Variants in OTOA observed in about 807,000 individuals in gnomAD.
OTOA encodes the protein otoancorin.
Under a neutral mutation model 110.8 loss-of-function variants are expected in OTOA, and 70 were observed. The ratio of observed to expected loss-of-function variants is 0.63; its 90% CI spans 0.52 to 0.77. The LOEUF (loss-of-function observed/expected upper bound fraction) is 0.77. OTOA is among the 30% of genes least tolerant of loss of function. The pLI is 0.00. For missense variants in OTOA, 917 were observed against 1,075.8 expected (o/e 0.85, Z 2.06); for synonymous variants, 373 against 431.5 (o/e 0.86, Z 1.68).
intron 6 of OTOA, chr16:21,684,381 A>G (rs1966959473): frequency 2.1e-6 from 3 of 1,431,768 alleles, no homozygotes; most frequent in African/African-American, 2.8e-5. Flanking sequence ...GGAGAGGCTG[A>G]TGGCTTCTGC....
chr16:21,721,462 C>T, intron 17 of OTOA: 1 of 456,100 alleles, frequency 2.2e-6, no homozygotes, highest in South Asian at 1.5e-5. Context: ...GCTCAACATC[C>T]TACAATGCGT....
chr16:21,710,804 AC>A (rs2141689764), intron 13 of OTOA, among the ~76,000 whole-genome samples: 1 of 152,250 alleles, frequency 6.6e-6, no homozygotes, highest in Admixed American at 6.5e-5. Context: ...GGAGTTTGGG[AC>A]CAGCCTGATC....
At chr16:21,695,449 A>G (rs1897913806) in intron 9 of OTOA, among the ~76,000 whole-genome samples, 1 of 152,126 alleles carries the variant, frequency 6.6e-6, no homozygotes, top group Non-Finnish European at 1.5e-5. Context: ...AAGTTAAAAA[A>G]TAAACAACTA....
chr16:21,733,811 C>G (rs1225328441), intron 21 of OTOA, among the ~76,000 whole-genome samples: 1 of 151,812 alleles, frequency 6.6e-6, no homozygotes, highest in Non-Finnish European at 1.5e-5. Flanking sequence ...TTTTCTTTCT[C>G]TTTTTTGAGA....
intron 5 of OTOA, among the ~76,000 whole-genome samples, chr16:21,680,552 A>G (rs1286167052): frequency 6.6e-6 from 1 of 151,258 alleles, no homozygotes; most frequent in Non-Finnish European, 1.5e-5. Context: ...CAAACGTAAG[A>G]TTACAAAAGG....
At chr16:21,685,390 G>T (rs1385831315) in intron 7 of OTOA, 29 bp downstream of exon 7, 2 of 1,606,612 alleles carry the variant, frequency 1.2e-6, no homozygotes, top group Admixed American at 1.7e-5. Flanking sequence ...CCCGGGGATA[G>T]AGGAAGTCCA....
chr16:21,704,499 C>T (rs1167008434), intron 11 of OTOA, among the ~76,000 whole-genome samples: 1 of 152,182 alleles, frequency 6.6e-6, no homozygotes, highest in Non-Finnish European at 1.5e-5. Flanking sequence ...ATGAGAGCAC[C>T]TGCCTTGTAG....
At chr16:21,706,357 G>A (rs573568679) in intron 12 of OTOA, among the ~76,000 whole-genome samples, 2 of 152,302 alleles carry the variant, frequency 1.3e-5, no homozygotes, top group South Asian at 2.1e-4. Context: ...CACCTGGAGC[G>A]GCAGGAGATA....
At chr16:21,668,920 C>A (rs1487703634) in intron 1 of OTOA, among the ~76,000 whole-genome samples, 1 of 152,052 alleles carries the variant, frequency 6.6e-6, no homozygotes, top group African/African-American at 2.4e-5. Context: ...GTCTTGATTT[C>A]TCTGGCTGCA....
At chr16:21,743,883 TTTTA>T (rs1436911753) in intron 23 of OTOA, among the ~76,000 whole-genome samples, 1 of 120,894 alleles carries the variant, frequency 8.3e-6, no homozygotes, top group Non-Finnish European at 1.8e-5. Context: ...TCTTTTTAAT[TTTTA>T]TTTATTTTTT....
chr16:21,695,887 A>ATTTTTTTTTTTTT (rs1205590889), intron 9 of OTOA, among the ~76,000 whole-genome samples: 2 of 61,636 alleles, frequency 3.2e-5, no homozygotes, highest in African/African-American at 8.3e-5. Flanking sequence ...ATATATATAT[A>ATTTTTTTTTTTTT]TATATTTTTT....
rs1898142745 is a variant in OTOA, at chr16:21,705,394, A to T, written c.1104+102A>T. 2.5e-6 allele frequency: 4 copies of T among 1,570,206 alleles called. No homozygotes were observed. The South Asian group carries it at 3.4e-5, about 13-fold the overall frequency. Reference sequence around the variant, plus strand: ...TAGCCTTTGGGAGAAAACACACAGCATTAGTCGGGATTTAAGTCCAGTCAC... The same window carrying T: ...TAGCCTTTGGGAGAAAACACACAGCTTTAGTCGGGATTTAAGTCCAGTCAC... On this transcript the variant is annotated intron_variant, in intron 12 of 28. Coordinates refer to ENST00000646100, the MANE Select transcript of OTOA (RefSeq NM_144672.4).
intron 21 of OTOA, among the ~76,000 whole-genome samples, chr16:21,733,344 A>C (rs1261840949): frequency 8.7e-5 from 13 of 149,686 alleles, no homozygotes; most frequent in Non-Finnish European, 1.3e-4. Context: ...TCAGCTGCAC[A>C]TTAGAATCAC....
intron 13 of OTOA, among the ~76,000 whole-genome samples, chr16:21,713,494 T>G (rs1898421865): frequency 1.3e-5 from 2 of 152,296 alleles, no homozygotes; most frequent in South Asian, 4.1e-4. Context: ...AAACATTTAC[T>G]GAACACTTAC....
intron 18 of OTOA, among the ~76,000 whole-genome samples, chr16:21,726,148 A>G (rs577597192): frequency 2.0e-5 from 3 of 151,902 alleles, no homozygotes; most frequent in South Asian, 2.1e-4. Context: ...ATCAATCAAC[A>G]TGTCTATTTA....
At chr16:21,759,830 ACAGAG>A (rs1900111334) in intron 28 of OTOA, among the ~76,000 whole-genome samples, 1 of 151,892 alleles carries the variant, frequency 6.6e-6, no homozygotes, top group Non-Finnish European at 1.5e-5. Context: ...AACCTGGGAG[ACAGAG>A]GCTACAGTGA....
At chr16:21,685,719 T>A (rs753154185) in intron 7 of OTOA, among the ~76,000 whole-genome samples, 2 of 152,090 alleles carry the variant, frequency 1.3e-5, no homozygotes, top group Non-Finnish European at 2.9e-5. Flanking sequence ...TGCACCACCA[T>A]GCCTGGCTAA....
chr16:21,714,850 C>A, intron 13 of OTOA, 135 bp from the exon 14 acceptor site: 2 of 1,127,600 alleles, frequency 1.8e-6, no homozygotes, highest in South Asian at 1.3e-5. Flanking sequence ...CCTGTGGAGG[C>A]AGCATCTGTC....
At chr16:21,681,579 A>T (rs538126577) in intron 5 of OTOA, among the ~76,000 whole-genome samples, 159 bp from the exon 6 acceptor site, 3 of 152,154 alleles carry the variant, frequency 2.0e-5, no homozygotes, top group African/African-American at 4.8e-5. Context: ...AGAGAAAAGA[A>T]AAAAGGAAAG....
Sources: gnomAD v4.1 joint callset for allele counts (sites outside exome capture counted in the v4.1 genomes callset) on GRCh38, gnomAD v4.1.1 for gene constraint, MANE v1.5 for transcripts, NCBI Gene and HGNC (gene_info 2026-07-23, HGNC 2026-07-21) for gene names.